OLA1: variants seen among roughly 807,000 people sequenced by gnomAD.
OLA1 encodes the protein Obg like ATPase 1.
OLA1 carries 14 observed loss-of-function variants against 48.4 expected under a neutral mutation model. The ratio of observed to expected loss-of-function variants is 0.29; its 90% CI spans 0.19 to 0.45. OLA1 has a LOEUF of 0.45. OLA1 is among the 20% of genes least tolerant of loss of function. The probability of loss-of-function intolerance (pLI) is 1.00; values close to 1 mark genes in which losing one functional copy is unlikely to be tolerated. For missense variants in OLA1, 325 were observed against 467.1 expected, an observed-to-expected ratio of 0.70 and a Z score of 2.80; for synonymous variants, 127 against 150.4, an observed-to-expected ratio of 0.84 and a Z score of 1.14.
chr2:174,218,075 A>G (rs764152933), intron 4 of OLA1: 7 of 152,162 alleles, frequency 4.6e-5, no homozygotes, highest in Non-Finnish European at 8.8e-5. Flanking sequence ...CACAGACACA[A>G]TCATAACACA....
intron 2 of OLA1, among the ~76,000 whole-genome samples, chr2:174,241,322 T>A (rs1207629450): frequency 6.6e-6 from 1 of 152,254 alleles, no homozygotes; most frequent in African/African-American, 2.4e-5. Flanking sequence ...GTTACTATTT[T>A]AAACCATGAA....
intron 4 of OLA1, among the ~76,000 whole-genome samples, chr2:174,159,061 C>T (rs1461572812): frequency 6.6e-6 from 1 of 152,192 alleles, no homozygotes; most frequent in African/African-American, 2.4e-5. Context: ...TTGCTAAAAT[C>T]AAGTCATCCA....
At chr2:174,244,728 G>A (rs1158063519) in intron 2 of OLA1, among the ~76,000 whole-genome samples, 1 of 151,900 alleles carries the variant, frequency 6.6e-6, no homozygotes, top group Non-Finnish European at 1.5e-5. Flanking sequence ...GGCTCAAGCT[G>A]TTTCTCCTGC....
rs1687084760 is a variant in OLA1, at chr2:174,163,758, AT to A, written c.374-21759del. Among the ~76,000 whole-genome samples the A allele has an allele frequency of 8.1e-5, 3 of 37,234 alleles. 1 individual carries two copies. Among genetic ancestry groups the A allele is most frequent in the Non-Finnish European group, 1.6e-4 (3 of 18,476 alleles). The allele number at this position is 37,234 out of a possible 152,430, so 24.4% of individuals were successfully genotyped here. Reference sequence around the variant, plus strand: ...TATATATATATATATATATATATATATATATATATATATATATAAATAAATG... The same window carrying A: ...TATATATATATATATATATATATATAATATATATATATATATAAATAAATG... On this transcript the variant is annotated intron_variant, in intron 4 of 10. Coordinates refer to ENST00000284719, the MANE Select transcript of OLA1 (RefSeq NM_013341.5).
Position 174,204,198 on chromosome 2 carries a change from G to A in OLA1, c.373+18835C>T, listed in dbSNP as rs575560511. On this transcript the variant is annotated intron_variant, in intron 4 of 10. Transcript: ENST00000284719. ...GGGCGGATCACAAGATCAGGAGATCGAGACCATCCTGGCTAACATGGTGAA... is the reference window on the plus strand; with the variant it reads ...GGGCGGATCACAAGATCAGGAGATCAAGACCATCCTGGCTAACATGGTGAA... 1.9e-3 allele frequency among the ~76,000 whole-genome samples: 286 copies of A among 151,952 alleles called. 1 individual carries two copies. Among genetic ancestry groups the A allele is most frequent in the African/African-American group, 6.6e-3 (273 of 41,570 alleles).
At chr2:174,213,880 C>T (rs1320299025) in intron 4 of OLA1, among the ~76,000 whole-genome samples, 1 of 151,922 alleles carries the variant, frequency 6.6e-6, no homozygotes, top group Non-Finnish European at 1.5e-5. Flanking sequence ...TGTGAATGTA[C>T]TTAATGCCAC....
chr2:174,136,797 G>A (rs185653140), intron 5 of OLA1, among the ~76,000 whole-genome samples: 6 of 151,660 alleles, frequency 4.0e-5, no homozygotes, highest in Admixed American at 2.0e-4. Flanking sequence ...TCAGCCTCTC[G>A]AGTAGCTAGG....
intron 4 of OLA1, among the ~76,000 whole-genome samples, chr2:174,157,935 A>G (rs1436580389): frequency 6.6e-6 from 1 of 152,196 alleles, no homozygotes; most frequent in Non-Finnish European, 1.5e-5. Context: ...AAATGAGAGT[A>G]GAAACATGTA....
intron 4 of OLA1, among the ~76,000 whole-genome samples, chr2:174,150,137 G>C (rs2105387577): frequency 6.6e-6 from 1 of 152,350 alleles, no homozygotes; most frequent in Non-Finnish European, 1.5e-5. Context: ...GTGTTGAGAA[G>C]TGGGATCTCT....
chr2:174,229,581 G>T, intron 2 of OLA1, 130 bp from the exon 3 acceptor site: 1 of 649,084 alleles, frequency 1.5e-6, no homozygotes, highest in Non-Finnish European at 2.6e-6. Flanking sequence ...GAGGGAAAAA[G>T]GAACAATACA....
chr2:174,184,920 T>C (rs1182793271), intron 4 of OLA1, among the ~76,000 whole-genome samples: 2 of 152,206 alleles, frequency 1.3e-5, no homozygotes, highest in East Asian at 1.9e-4. Context: ...TGTATGTATA[T>C]AATATGTGAA....
Position 174,123,637 on chromosome 2 carries a change from T to C in OLA1, c.588A>G (p.Gln196=). 1 of 1,599,310 alleles carries C rather than the reference T, an allele frequency of 6.3e-7. No individual in the cohort carries two copies. The highest frequency in any genetic ancestry group is 8.5e-7 in the Non-Finnish European group (1 of 1,174,290). ...MCKVKSWVID[Q]KKPVRFYHDW... ...CATGATAGAAGCGAACAGGTTTCTTTTGATCTATAACCCAGGATTTTACTT... is the reference window on the plus strand; with the variant it reads ...CATGATAGAAGCGAACAGGTTTCTTCTGATCTATAACCCAGGATTTTACTT... The change falls in exon 6 of 11, where the codon CAA becomes CAG. Residue 196 remains glutamine, a synonymous_variant. Coordinates refer to ENST00000284719, the MANE Select transcript of OLA1 (RefSeq NM_013341.5).
At chr2:174,239,714 C>CAAAA (rs35332033) in intron 2 of OLA1, among the ~76,000 whole-genome samples, 31 of 60,430 alleles carry the variant, frequency 5.1e-4, no homozygotes, top group Middle Eastern at 0.011. Context: ...CCCATCTCTA[C>CAAAA]AAAAAAAAAA....
chr2:174,096,760 A>G (rs2044469), intron 7 of OLA1, among the ~76,000 whole-genome samples: 46,831 of 152,148 alleles, frequency 0.31, 7,372 homozygotes, highest in Non-Finnish European at 0.35. Context: ...GTAGCCCCCA[A>G]TTTTAACTGT....
intron 2 of OLA1, among the ~76,000 whole-genome samples, chr2:174,244,884 G>A (rs182023205): frequency 2.7e-4 from 41 of 152,106 alleles, no homozygotes; most frequent in African/African-American, 9.2e-4. Flanking sequence ...CACCCACCTC[G>A]GCCTCCCAAA....
Position 174,107,573 on chromosome 2 carries a change from C to G in OLA1, c.728+15607G>C, listed in dbSNP as rs139019568. ...AAAGACAGTATCCTAAAAACATTTC[C>G]CCAAATTAATAGTATAAATTTTAAA... On this transcript the variant is annotated intron_variant, in intron 7 of 10. Transcript: ENST00000284719. 1.6e-4 allele frequency among the ~76,000 whole-genome samples: 24 copies of G among 152,122 alleles called. No individual in the cohort carries two copies. In the East Asian group the frequency reaches 4.6e-3, roughly 29 times the overall value.
intron 7 of OLA1, among the ~76,000 whole-genome samples, chr2:174,093,568 A>G (rs533293723): frequency 1.7e-4 from 26 of 152,302 alleles, no homozygotes; most frequent in African/African-American, 5.8e-4. Flanking sequence ...AGCAAGGAAT[A>G]TGCATTTAAC....
intron 7 of OLA1, among the ~76,000 whole-genome samples, chr2:174,121,144 C>CATAATAATA (rs747685680): frequency 1.2e-4 from 19 of 152,134 alleles, no homozygotes; most frequent in Non-Finnish European, 2.5e-4. Flanking sequence ...TCATATCCCT[C>CATAATAATA]ATAATAAAAA....
intron 7 of OLA1, among the ~76,000 whole-genome samples, chr2:174,094,486 A>G (rs566228004): frequency 6.6e-6 from 1 of 152,368 alleles, no homozygotes; most frequent in African/African-American, 2.4e-5. Flanking sequence ...CAATCCTGAA[A>G]AAGAACAAAG....
Sources: gnomAD v4.1 joint callset for allele counts (sites outside exome capture counted in the v4.1 genomes callset) on GRCh38, gnomAD v4.1.1 for gene constraint, MANE v1.5 for transcripts, NCBI Gene and HGNC (gene_info 2026-07-23, HGNC 2026-07-21) for gene names.